The following NNMT variants were observed in gnomAD, a reference collection of about 807,000 sequenced individuals.
The protein encoded by NNMT is nicotinamide N-methyltransferase.
In NNMT, 10 loss-of-function variants were observed where a neutral mutation model predicts 11.7. The observed-to-expected ratio is 0.85, with a 90% CI of 0.53 to 1.45. NNMT has a LOEUF of 1.45. NNMT is among the 40% of genes most tolerant of loss of function. The probability of loss-of-function intolerance (pLI) is 0.00; values close to 1 mark genes in which losing one functional copy is unlikely to be tolerated. For synonymous variants in NNMT, 143 were observed against 133.8 expected (o/e 1.07, Z -0.48); for missense variants, 381 against 319.4 (o/e 1.19, Z -1.47).
intron 2 of NNMT, among the ~76,000 whole-genome samples, chr11:114,311,621 T>A (rs1224382143): frequency 6.6e-6 from 1 of 152,212 alleles, no homozygotes; most frequent in African/African-American, 2.4e-5. Flanking sequence ...CCCCTTATTA[T>A]TAATACTTAT....
At chr11:114,279,833 G>A (rs571543986) in intron 2 of NNMT, among the ~76,000 whole-genome samples, 37 of 152,278 alleles carry the variant, frequency 2.4e-4, no homozygotes, top group African/African-American at 7.2e-4. Context: ...AGGTGAGAGC[G>A]CACAGAAAGA....
rs1945383780 is a variant in NNMT at position 114,296,739 on chromosome 11, C to T, written c.154+29C>T. On this transcript the variant is annotated intron_variant, in intron 1 of 2. Transcript: ENST00000299964. The stretch of plus-strand genomic sequence containing the variant: ...AGTCTGTTGTCTGCATGTCTCCCCA[C>T]TAATGTGAGTCATATAGATGGAGTC... 1.9e-6 allele frequency: 3 copies of T among 1,610,768 alleles called. No individual in the cohort carries two copies. The Middle Eastern group carries it at 5.1e-4, about 271-fold the overall frequency.
chr11:114,302,528 A>G (rs1024475252), intron 2 of NNMT, among the ~76,000 whole-genome samples: 1 of 152,064 alleles, frequency 6.6e-6, no homozygotes, highest in East Asian at 1.9e-4. Context: ...ATATATTGTT[A>G]TTAGTTTTGC....
chr11:114,262,641 C>T (rs553898161), intron 1 of NNMT, among the ~76,000 whole-genome samples: 62 of 152,216 alleles, frequency 4.1e-4, no homozygotes, highest in Non-Finnish European at 7.1e-4. Flanking sequence ...TGCCTCTGTG[C>T]GCTTCCAGCC....
Position 114,312,105 on chromosome 11 carries a change from T to C in NNMT, c.423T>C (p.Cys141=). ...LRQAVKQVLK[C]DVTQSQPLGA... Reference sequence around the variant, plus strand: ...AGGCGGTCAAGCAGGTGCTGAAGTGTGATGTGACTCAGAGCCAGCCACTGG... The same window carrying C: ...AGGCGGTCAAGCAGGTGCTGAAGTGCGATGTGACTCAGAGCCAGCCACTGG... The change falls in exon 3 of 3, where the codon TGT becomes TGC. Residue 141 remains cysteine, a synonymous_variant. Transcript: ENST00000299964. 6.2e-7 allele frequency: 1 copy of C among 1,611,532 alleles called. No homozygotes were observed. The highest frequency in any genetic ancestry group is 8.5e-7 in the Non-Finnish European group (1 of 1,178,306).
At chr11:114,265,600 C>G (rs917395494) in intron 2 of NNMT, among the ~76,000 whole-genome samples, 1 of 152,172 alleles carries the variant, frequency 6.6e-6, no homozygotes, top group Non-Finnish European at 1.5e-5. Context: ...TTGAGTCTGC[C>G]TTGGGACAGT....
intron 2 of NNMT, among the ~76,000 whole-genome samples, chr11:114,301,564 G>A (rs915397167): frequency 6.6e-6 from 1 of 152,120 alleles, no homozygotes; most frequent in Admixed American, 6.6e-5. Context: ...TCTGGAAAAT[G>A]CAAAACTAGG....
In NNMT at chr11:114,312,058, G is replaced by C. The variant is rs1053604688; in HGVS notation, c.376G>C (p.Glu126Gln). 10 of 1,576,636 alleles carry C rather than the reference G, an allele frequency of 6.3e-6. No homozygotes were observed. Among genetic ancestry groups the C allele is most frequent in the Non-Finnish European group, 8.6e-6 (10 of 1,157,038 alleles). ...DLEGNRVKGP[E>Q]KEEKLRQAVK... ...TGTGTTTTTCAGAGTCAAGGGTCCA[G>C]AGAAGGAGGAGAAGTTGAGACAGGC... Residue 126 changes from glutamate (E) to glutamine (Q), a missense_variant, in exon 3 of 3, where the codon GAG becomes CAG. Coordinates refer to ENST00000299964, the MANE Select transcript of NNMT (RefSeq NM_006169.3).
chr11:114,276,217 A>T (rs894927753), intron 2 of NNMT, among the ~76,000 whole-genome samples: 1 of 149,816 alleles, frequency 6.7e-6, no homozygotes, highest in Non-Finnish European at 1.5e-5. Flanking sequence ...CAGTGTCTAC[A>T]TGGTGGGGGA....
chr11:114,295,391 G>A (rs1485756544), upstream of NNMT, among the ~76,000 whole-genome samples: 1 of 149,742 alleles, frequency 6.7e-6, no homozygotes, highest in Non-Finnish European at 1.5e-5. Flanking sequence ...GTCTCAAAGT[G>A]AGTTCAGAAA....
At chr11:114,300,701 T>G (rs1189010119) in intron 2 of NNMT, among the ~76,000 whole-genome samples, 1 of 152,236 alleles carries the variant, frequency 6.6e-6, no homozygotes, top group East Asian at 1.9e-4. Context: ...ACACTTGTTT[T>G]TAGCTCTGTT....
At chr11:114,307,907 C>T (rs568445150) in intron 2 of NNMT, among the ~76,000 whole-genome samples, 2 of 152,052 alleles carry the variant, frequency 1.3e-5, no homozygotes, top group South Asian at 4.2e-4. Flanking sequence ...CCCAACATCT[C>T]CCCATTAGTG....
chr11:114,264,634 CAG>C, intron 2 of NNMT, among the ~76,000 whole-genome samples: 1 of 152,302 alleles, frequency 6.6e-6, no homozygotes, highest in South Asian at 2.1e-4. Context: ...GTTAAGGGTT[CAG>C]TCCCACAAAA....
chr11:114,312,092 A>G lies in NNMT; in HGVS notation c.410A>G (p.Gln137Arg). ...GAGAAGTTGAGACAGGCGGTCAAGC[A>G]GGTGCTGAAGTGTGATGTGACTCAG... Reference protein sequence around the residue: ...KEEKLRQAVKQVLKCDVTQSQ... With the variant: ...KEEKLRQAVKRVLKCDVTQSQ... The change falls in exon 3 of 3, where the codon CAG (glutamine) becomes CGG (arginine). Residue 137 changes from glutamine (Q) to arginine (R), a missense_variant. Coordinates refer to ENST00000299964, the MANE Select transcript of NNMT (RefSeq NM_006169.3). The G allele has an allele frequency of 1.2e-6, 2 of 1,601,108 alleles. No individual in the cohort carries two copies. The highest frequency in any genetic ancestry group is 1.7e-6 in the Non-Finnish European group (2 of 1,170,990).
At position 114,312,187 on chromosome 11, in the gene NNMT, G is replaced by A. The variant is rs374377399; in HGVS notation, c.505G>A (p.Ala169Thr). The stretch of plus-strand genomic sequence containing the variant: ...GCTCAGCACACTGTGTCTGGATGCC[G>A]CCTGCCCAGACCTCCCCACCTACTG... The part of the protein sequence containing the change: ...CVLSTLCLDA[A>T]CPDLPTYCRA... Residue 169 changes from alanine to threonine, a missense_variant, in exon 3 of 3, where the codon GCC (alanine) becomes ACC (threonine). Coordinates refer to ENST00000299964, the MANE Select transcript of NNMT (RefSeq NM_006169.3). The A allele has an allele frequency of 2.9e-5, 47 of 1,614,154 alleles. No homozygotes were observed. Among genetic ancestry groups the A allele is most frequent in the Middle Eastern group, 1.7e-4 (1 of 6,060 alleles).
At chr11:114,278,032 T>A (rs1565721124) in intron 2 of NNMT, among the ~76,000 whole-genome samples, 1 of 152,244 alleles carries the variant, frequency 6.6e-6, no homozygotes, top group East Asian at 1.9e-4. Context: ...TTGGCTGCTA[T>A]GTTAGTCCAT....
intron 2 of NNMT, among the ~76,000 whole-genome samples, chr11:114,263,423 G>A (rs1945098554): frequency 1.3e-5 from 2 of 152,116 alleles, no homozygotes; most frequent in South Asian, 2.1e-4. Flanking sequence ...ATCTGACTGT[G>A]TGCTTACTTA....
upstream of NNMT, among the ~76,000 whole-genome samples, chr11:114,292,351 G>A (rs547219429): frequency 2.6e-5 from 4 of 152,304 alleles, no homozygotes; most frequent in Admixed American, 6.5e-5. Context: ...GCAAACATAA[G>A]CAATGATGGT....
Position 114,312,429 on chromosome 11 carries a change from C to G in NNMT, c.747C>G (p.Asn249Lys). 1 of 1,614,196 alleles carries G rather than the reference C, an allele frequency of 6.2e-7. No homozygotes were observed. Among genetic ancestry groups the G allele is most frequent in the Non-Finnish European group, 8.5e-7 (1 of 1,180,028 alleles). The part of the protein sequence containing the change: ...SQSYSSTMAN[N>K]EGLFSLVARK... Reference sequence around the variant, plus strand: ...GTTATTCTTCCACCATGGCCAACAACGAAGGACTTTTCTCCCTGGTGGCGA... The same window carrying G: ...GTTATTCTTCCACCATGGCCAACAAGGAAGGACTTTTCTCCCTGGTGGCGA... The change falls in exon 3 of 3, where the codon AAC (asparagine) becomes AAG (lysine). Residue 249 changes from asparagine (N) to lysine (K), a missense_variant. Physicochemically the swap from Asn to Lys is moderately conservative, Grantham distance 94 (BLOSUM62 0). Transcript: ENST00000299964.
Sources: allele counts gnomAD v4.1 joint callset (sites outside exome capture counted in the v4.1 genomes callset), GRCh38; gene constraint gnomAD v4.1.1; transcripts MANE v1.5; gene names NCBI Gene and HGNC (gene_info 2026-07-23, HGNC 2026-07-21).